Variants in CSMD1 observed in about 807,000 individuals in gnomAD.
CSMD1 encodes CUB and sushi domain-containing protein 1.
In CSMD1, 213 loss-of-function variants were observed where a neutral mutation model predicts 417.5. The observed-to-expected ratio is 0.51, with a 90% CI of 0.46 to 0.57. The LOEUF (loss-of-function observed/expected upper bound fraction) is 0.57. CSMD1 is among the 20% of genes least tolerant of loss of function. CSMD1 has a pLI of 0.00. For synonymous variants in CSMD1, 2,862 were observed against 1,736.8 expected (o/e 1.65, Z -16.11); for missense variants, 6,923 against 4,529.7 (o/e 1.53, Z -15.17).
chr8:3,712,130 G>C (rs1421649560), intron 6 of CSMD1, among the ~76,000 whole-genome samples: 4 of 148,358 alleles, frequency 2.7e-5, no homozygotes, highest in Non-Finnish European at 6.0e-5. Flanking sequence ...TAGACTATCT[G>C]CTCTCCTGAG....
At position 4,413,943 on chromosome 8, in the gene CSMD1, G is replaced by C. The variant is rs140741689; in HGVS notation, c.415+6010C>G. Among the ~76,000 whole-genome samples, 202 of 152,270 alleles carry C rather than the reference G, an allele frequency of 1.3e-3. 1 individual carries two copies. The highest frequency in any genetic ancestry group is 4.7e-3 in the African/African-American group (194 of 41,542). ...AAGTAATTATTGAAATTTTGCATTT[G>C]TTTCAAGCTCTATAATTGTTATAAA... On this transcript the variant is annotated intron_variant, in intron 3 of 69. Transcript: ENST00000635120.
intron 3 of CSMD1, among the ~76,000 whole-genome samples, chr8:4,346,511 A>C (rs937092063): frequency 6.6e-6 from 1 of 152,152 alleles, no homozygotes; most frequent in Non-Finnish European, 1.5e-5. Flanking sequence ...ATTATTGTCT[A>C]AACTGAATTA....
At chr8:4,402,495 C>T (rs1273682820) in intron 3 of CSMD1, among the ~76,000 whole-genome samples, 1 of 152,150 alleles carries the variant, frequency 6.6e-6, no homozygotes, top group Non-Finnish European at 1.5e-5. Context: ...GACCACTCCT[C>T]TCCCAAGCAT....
At chr8:3,514,411 A>G (rs1160595808) in intron 10 of CSMD1, among the ~76,000 whole-genome samples, 1 of 152,190 alleles carries the variant, frequency 6.6e-6, no homozygotes, top group Non-Finnish European at 1.5e-5. Flanking sequence ...GAATGATTAC[A>G]TAATGTCTTG....
chr8:3,501,394 A>G (rs1585261564), intron 10 of CSMD1, among the ~76,000 whole-genome samples: 1 of 152,214 alleles, frequency 6.6e-6, no homozygotes, highest in Non-Finnish European at 1.5e-5. Context: ...GTTTTTCTGA[A>G]TAACATGTTT....
intron 1 of CSMD1, among the ~76,000 whole-genome samples, chr8:4,751,845 G>A (rs1312980931): frequency 6.6e-6 from 1 of 152,090 alleles, no homozygotes; most frequent in Non-Finnish European, 1.5e-5. Context: ...TTCTCTGTCC[G>A]AAAATAGTGC....
intron 1 of CSMD1, among the ~76,000 whole-genome samples, chr8:4,799,675 T>C (rs531484068): frequency 1.5e-4 from 23 of 150,912 alleles, no homozygotes; most frequent in African/African-American, 5.1e-4. Flanking sequence ...TGGGACTTTA[T>C]TTTCACTGCT....
At chr8:4,575,481 G>A (rs1166290946) in intron 2 of CSMD1, among the ~76,000 whole-genome samples, 1 of 152,166 alleles carries the variant, frequency 6.6e-6, no homozygotes, top group African/African-American at 2.4e-5. Context: ...GTTATCTGAA[G>A]AAAAGGAATA....
At chr8:4,011,751 C>G (rs551620454) in intron 4 of CSMD1, among the ~76,000 whole-genome samples, 2 of 152,226 alleles carry the variant, frequency 1.3e-5, no homozygotes, top group South Asian at 4.2e-4. Context: ...CTCATTTTCT[C>G]CCAGTGGTTA....
At chr8:4,247,480 T>C (rs895548216) in intron 3 of CSMD1, among the ~76,000 whole-genome samples, 1 of 152,196 alleles carries the variant, frequency 6.6e-6, no homozygotes, top group Non-Finnish European at 1.5e-5. Context: ...TCTCAATATT[T>C]ATGCAGGCTC....
intron 2 of CSMD1, among the ~76,000 whole-genome samples, chr8:4,436,534 C>T (rs564319561): frequency 6.6e-6 from 1 of 152,006 alleles, no homozygotes; most frequent in Admixed American, 6.6e-5. Flanking sequence ...AAGTAACAAA[C>T]AATCCGATCA....
At chr8:4,930,650 A>G (rs144553273) in intron 1 of CSMD1, among the ~76,000 whole-genome samples, 10 of 152,330 alleles carry the variant, frequency 6.6e-5, no homozygotes, top group Non-Finnish European at 1.2e-4. Flanking sequence ...TACCAAACCC[A>G]GAAACATTAA....
intron 3 of CSMD1, among the ~76,000 whole-genome samples, chr8:4,225,845 T>C (rs1261076037): frequency 6.6e-6 from 1 of 152,206 alleles, no homozygotes; most frequent in Non-Finnish European, 1.5e-5. Flanking sequence ...ATGATCAGCC[T>C]AAATGAAAGT....
intron 47 of CSMD1, among the ~76,000 whole-genome samples, chr8:3,091,977 G>T (rs1258752573): frequency 6.6e-6 from 1 of 152,112 alleles, no homozygotes; most frequent in East Asian, 1.9e-4. Flanking sequence ...TTACAATATT[G>T]TACTTACACA....
intron 3 of CSMD1, among the ~76,000 whole-genome samples, chr8:4,405,872 G>A (rs1046238582): frequency 6.6e-6 from 1 of 152,150 alleles, no homozygotes; most frequent in African/African-American, 2.4e-5. Context: ...CTTTAGAAAT[G>A]CATGTGGTTA....
intron 3 of CSMD1, among the ~76,000 whole-genome samples, chr8:4,179,903 G>A (rs917528783): frequency 6.6e-6 from 1 of 152,130 alleles, no homozygotes; most frequent in East Asian, 1.9e-4. Context: ...AGTTAGAATG[G>A]CGATCATTAA....
Position 3,230,249 on chromosome 8 carries a change from G to C in CSMD1, c.4154-18C>G. 1 of 1,548,952 alleles carries C rather than the reference G, an allele frequency of 6.5e-7. No individual in the cohort carries two copies. Among genetic ancestry groups the C allele is most frequent in the Non-Finnish European group, 8.7e-7 (1 of 1,143,936 alleles). On this transcript the variant is annotated intron_variant, in intron 26 of 69. Coordinates refer to ENST00000635120, the MANE Select transcript of CSMD1 (RefSeq NM_033225.6). ...AATTGAGGCTGCAAACAAAAGAGAA[G>C]GCAAGGTCACAGGCTGGAAAACATG...
At chr8:3,591,199 C>A (rs151293740) in intron 8 of CSMD1, among the ~76,000 whole-genome samples, 75 of 152,286 alleles carry the variant, frequency 4.9e-4, no homozygotes, top group Non-Finnish European at 8.2e-4. Flanking sequence ...AAATATCACA[C>A]AGCAAAAGTT....
intron 3 of CSMD1, among the ~76,000 whole-genome samples, chr8:4,062,823 G>A (rs545052613): frequency 4.3e-4 from 65 of 151,886 alleles, no homozygotes; most frequent in African/African-American, 1.2e-3. Context: ...TCTGACTTTA[G>A]GTCTTTGTGT....
Sources: allele counts gnomAD v4.1 joint callset (sites outside exome capture counted in the v4.1 genomes callset), GRCh38; gene constraint gnomAD v4.1.1; transcripts MANE v1.5; gene names NCBI Gene and HGNC (gene_info 2026-07-23, HGNC 2026-07-21).